Variants in HNRNPA1 observed in about 807,000 individuals in gnomAD.
HNRNPA1 encodes the protein epididymis secretory sperm binding protein.
HNRNPA1 carries 7 observed loss-of-function variants against 44.4 expected under a neutral mutation model. The ratio of observed to expected loss-of-function variants is 0.16; its 90% CI spans 0.09 to 0.30. The LOEUF (loss-of-function observed/expected upper bound fraction) is 0.30. HNRNPA1 is among the 10% of genes least tolerant of loss of function. The pLI is 1.00. For synonymous variants in HNRNPA1, 169 were observed against 160.6 expected (o/e 1.05, Z -0.40); for missense variants, 193 against 465.8 (o/e 0.41, Z 5.39).
intron 7 of HNRNPA1, 81 bp from the exon 8 acceptor site, chr12:54,282,998 G>A: frequency 2.6e-6 from 4 of 1,533,546 alleles, no homozygotes; most frequent in Non-Finnish European, 3.5e-6. Context: ...CATGCTGTGA[G>A]CAGGCCTTCA....
Position 54,284,254 on chromosome 12 carries a change from T to C in HNRNPA1, c.1064-4T>C. On this transcript the variant is annotated splice_polypyrimidine_tract_variant and splice_region_variant and intron_variant, in intron 9 of 10. Coordinates refer to ENST00000340913, the MANE Select transcript of HNRNPA1 (RefSeq NM_031157.4). The stretch of plus-strand genomic sequence containing the variant: ...AACTTTAAAAGAAAAATTGTACTTT[T>C]CAGGTGGCTATGGCGGTTCCAGCAG... 6.2e-7 allele frequency: 1 copy of C among 1,613,632 alleles called. No individual in the cohort carries two copies. The highest frequency in any genetic ancestry group is 1.1e-5 in the South Asian group (1 of 90,872).
intron 2 of HNRNPA1, 96 bp from the exon 3 acceptor site, chr12:54,281,699 G>A (rs1011716654): frequency 8.4e-6 from 11 of 1,309,738 alleles, no homozygotes; most frequent in African/African-American, 1.5e-5. Context: ...TTTTATAAAA[G>A]GCTGGTGTAA....
chr12:54,283,247 TGATCCAA>T lies in HNRNPA1; in HGVS notation c.907+15_907+21del. Reference sequence around the variant, plus strand: ...GGCGGTGGTAGTGGTAGGTATCCAGTGATCCAAGTACTTGGTGTGACAGCTAGATTAG... The same window carrying T: ...GGCGGTGGTAGTGGTAGGTATCCAGTGTACTTGGTGTGACAGCTAGATTAG... On this transcript the variant is annotated intron_variant, in intron 8 of 10. Transcript: ENST00000340913. 1 of 1,610,368 alleles carries T rather than the reference TGATCCAA, an allele frequency of 6.2e-7. No homozygotes were observed. Among genetic ancestry groups the T allele is most frequent in the Non-Finnish European group, 8.5e-7 (1 of 1,178,324 alleles).
At chr12:54,283,710 G>A (rs1944216794) in intron 8 of HNRNPA1, 102 bp from the exon 9 acceptor site, 1 of 1,122,228 alleles carries the variant, frequency 8.9e-7, no homozygotes, top group South Asian at 1.3e-5. Context: ...TGGGAGAAAG[G>A]AAGGCTGATA....
Position 54,285,309 on chromosome 12 carries a change from CT to C in HNRNPA1, c.*766del, listed in dbSNP as rs1478363461. On this transcript the variant is annotated 3_prime_UTR_variant, in exon 11 of 11. Coordinates refer to ENST00000340913, the MANE Select transcript of HNRNPA1 (RefSeq NM_031157.4). Reference sequence around the variant, plus strand: ...TTTGGACTTTCCCTACCCACTCCCCCTGATAATAATGTTGAATGCTTCTATC... The same window carrying C: ...TTTGGACTTTCCCTACCCACTCCCCCGATAATAATGTTGAATGCTTCTATC... 1.3e-5 allele frequency: 2 copies of C among 152,256 alleles called. No homozygotes were observed. Among genetic ancestry groups the C allele is most frequent in the East Asian group, 1.9e-4 (1 of 5,206 alleles). 9.4% of individuals were successfully genotyped at this position (152,256 alleles called of 1,614,324 possible). A position where few individuals can be genotyped will look rare whatever the true frequency, so the allele number is the denominator to read the frequency against.
At chr12:54,282,351 T>C in intron 4 of HNRNPA1, 43 bp from the exon 5 acceptor site, 1 of 1,611,120 alleles carries the variant, frequency 6.2e-7, no homozygotes, top group Non-Finnish European at 8.5e-7. Flanking sequence ...CTGTATGGCA[T>C]TCTAAACCCT....
rs745418513 is a variant in HNRNPA1, at chr12:54,282,567, C to A, written c.584-6C>A. ...ATGATTTAATGCTTAAACTTCATGT[C>A]TTAAGGTCGAAGTGGTTCTGGAAAC... On this transcript the variant is annotated splice_polypyrimidine_tract_variant and splice_region_variant and intron_variant, in intron 5 of 10. Transcript: ENST00000340913. 21 of 1,613,226 alleles carry A rather than the reference C, an allele frequency of 1.3e-5. No individual in the cohort carries two copies. The highest frequency in any genetic ancestry group is 1.4e-5 in the Non-Finnish European group (17 of 1,179,540).
At chr12:54,284,056 A>G in intron 9 of HNRNPA1, 89 bp downstream of exon 9, 1 of 1,469,120 alleles carries the variant, frequency 6.8e-7, no homozygotes. Flanking sequence ...ATGTCTGGGC[A>G]GCAAAACGTT....
chr12:54,281,133 G>A (rs1944156483), intron 1 of HNRNPA1: 1 of 700,048 alleles, frequency 1.4e-6, no homozygotes, highest in Middle Eastern at 2.3e-4. Context: ...TCCCATTGTG[G>A]AGATGCACCC....
Position 54,283,915 on chromosome 12 carries a change from C to T in HNRNPA1, c.1011C>T (p.Ser337=). ...AGGGAGGAAATTTTGGAGGCAGAAG[C>T]TCTGGCCCCTATGGCGGTGGAGGCC... ...PMKGGNFGGR[S]SGPYGGGGQY... is the part of the protein sequence containing the mutation. Residue 337 remains serine (S), a synonymous_variant, in exon 9 of 11, where the codon AGC becomes AGT. Transcript: ENST00000340913. The T allele has an allele frequency of 2.5e-6, 4 of 1,610,658 alleles. No individual in the cohort carries two copies. The highest frequency in any genetic ancestry group is 2.5e-6 in the Non-Finnish European group (3 of 1,180,008).
At chr12:54,283,274 G>T (rs775268550) in intron 8 of HNRNPA1, 40 bp downstream of exon 8, 3 of 1,600,944 alleles carry the variant, frequency 1.9e-6, no homozygotes, top group African/African-American at 2.7e-5. Context: ...GTGACAGCTA[G>T]ATTAGCCTTT....
At position 54,285,387 on chromosome 12, in the gene HNRNPA1, TGCC is replaced by T. The variant is rs1322029890; in HGVS notation, c.*846_*848del. 6.6e-6 allele frequency: 1 copy of T among 152,238 alleles called. No homozygotes were observed. The highest frequency in any genetic ancestry group is 1.5e-5 in the Non-Finnish European group (1 of 68,036). 9.4% of individuals were successfully genotyped at this position (152,238 alleles called of 1,614,324 possible). On this transcript the variant is annotated 3_prime_UTR_variant, in exon 11 of 11. Transcript: ENST00000340913. The stretch of plus-strand genomic sequence containing the variant: ...GGAATAGAAACTAGCTGCTGGCTAA[TGCC>T]GCTCCATAAATCCGCAGATTTGAAG...
At position 54,285,448 on chromosome 12, in the gene HNRNPA1, CAGAA is replaced by C. The variant is rs1944249180; in HGVS notation, c.*907_*910del. On this transcript the variant is annotated 3_prime_UTR_variant, in exon 11 of 11. Transcript: ENST00000340913. The stretch of plus-strand genomic sequence containing the variant: ...GAGGCCTTTTAAAAATAACTAATAT[CAGAA>C]AGCATTTTAATGAACGTAAAGATAG... 6.6e-6 allele frequency: 1 copy of C among 152,162 alleles called. No individual in the cohort carries two copies. The highest frequency in any genetic ancestry group is 2.4e-5 in the African/African-American group (1 of 41,420). 9.4% of individuals were successfully genotyped at this position (152,162 alleles called of 1,614,324 possible).
At position 54,282,683 on chromosome 12, in the gene HNRNPA1, A is replaced by C; in HGVS notation, c.676+18A>C. 2.5e-6 allele frequency: 4 copies of C among 1,606,790 alleles called. No individual in the cohort carries two copies. The highest frequency in any genetic ancestry group is 1.1e-5 in the South Asian group (1 of 90,900). On this transcript the variant is annotated intron_variant, in intron 6 of 10. Coordinates refer to ENST00000340913, the MANE Select transcript of HNRNPA1 (RefSeq NM_031157.4). ...TGGTCGTGGTATGTATGGTTTATCTACATGTAGTTCTGACTTCTCACCATC... is the reference window on the plus strand; with the variant it reads ...TGGTCGTGGTATGTATGGTTTATCTCCATGTAGTTCTGACTTCTCACCATC...
chr12:54,281,984 TATGTGCTGCTATG>T, intron 3 of HNRNPA1, 43 bp downstream of exon 3: 1 of 1,608,178 alleles, frequency 6.2e-7, no homozygotes, highest in Admixed American at 1.7e-5. Context: ...CTTACTTGGA[TATGTGCTGCTATG>T]GACTTAAGAT....
intron 4 of HNRNPA1, 22 bp downstream of exon 4, chr12:54,282,322 T>C: frequency 6.2e-7 from 1 of 1,611,806 alleles, no homozygotes; most frequent in Non-Finnish European, 8.5e-7. Context: ...ATAGTGGCAT[T>C]TAGTAAGGGT....
intron 1 of HNRNPA1, chr12:54,281,134 A>C: frequency 1.4e-6 from 1 of 699,896 alleles, no homozygotes; most frequent in Non-Finnish European, 2.6e-6. Flanking sequence ...CCCATTGTGG[A>C]GATGCACCCC....
Position 54,285,764 on chromosome 12 carries a change from C to T in HNRNPA1, c.*1220C>T, listed in dbSNP as rs1944254963. The stretch of plus-strand genomic sequence containing the variant: ...ATTCTTTTGAGCCTTACCTTTGGTG[C>T]TCTCTCAATTTCAGTGCTATTGTAC... On this transcript the variant is annotated 3_prime_UTR_variant, in exon 11 of 11. Transcript: ENST00000340913. 6.6e-6 allele frequency: 1 copy of T among 151,878 alleles called. No homozygotes were observed. The highest frequency in any genetic ancestry group is 1.5e-5 in the Non-Finnish European group (1 of 67,982). The allele number at this position is 151,878 out of a possible 1,614,324, so 9.4% of individuals were successfully genotyped here.
At chr12:54,284,415 A>ATAATTGCAG in intron 10 of HNRNPA1, 98 bp downstream of exon 10, 1 of 1,071,706 alleles carries the variant, frequency 9.3e-7, no homozygotes, top group East Asian at 2.4e-5. Context: ...AGTTAACATT[A>ATAATTGCAG]TAATTGCAGT....
Sources: gnomAD v4.1 joint callset for allele counts on GRCh38, gnomAD v4.1.1 for gene constraint, MANE v1.5 for transcripts, NCBI Gene and HGNC (gene_info 2026-07-23, HGNC 2026-07-21) for gene names.